The following KLRG1 variants were observed in gnomAD, a reference collection of about 807,000 sequenced individuals.
KLRG1 encodes the protein killer cell lectin like receptor G1.
In KLRG1, 16 loss-of-function variants were observed where a neutral mutation model predicts 21.8. That is an observed-to-expected ratio of 0.73 (90% CI 0.50 to 1.11). The LOEUF (loss-of-function observed/expected upper bound fraction) is 1.11. KLRG1 is among the 50% of genes most tolerant of loss of function. The pLI is 0.00. For synonymous variants in KLRG1, 69 were observed against 75.9 expected, an observed-to-expected ratio of 0.91 and a Z score of 0.47; for missense variants, 173 against 218.3, an observed-to-expected ratio of 0.79 and a Z score of 1.31.
the KLRG1 span, among the ~76,000 whole-genome samples, chr12:9,103,586 C>T: frequency 1.3e-5 from 2 of 152,162 alleles, no homozygotes; most frequent in Non-Finnish European, 2.9e-5. Flanking sequence ...TTCCCTAGCC[C>T]TTGGCAACCA....
At chr12:9,127,786 G>C in the KLRG1 span, 1 of 192,550 alleles carries the variant, frequency 5.2e-6, no homozygotes, top group Non-Finnish European at 1.1e-5. Context: ...ACGACCACTT[G>C]GTTCCTACCT....
intron 1 of KLRG1, among the ~76,000 whole-genome samples, chr12:8,952,568 ATATT>A (rs1946222911): frequency 6.6e-6 from 1 of 152,214 alleles, no homozygotes; most frequent in South Asian, 2.1e-4. Context: ...CAATTTTAAT[ATATT>A]TATCATTTAT....
the KLRG1 span, among the ~76,000 whole-genome samples, chr12:9,104,607 C>T: frequency 4.1e-4 from 62 of 152,060 alleles, no homozygotes; most frequent in African/African-American, 1.5e-3. Context: ...ATATACATAA[C>T]ATACACTAAT....
chr12:9,072,195 T>C, the KLRG1 span, among the ~76,000 whole-genome samples: 1 of 152,246 alleles, frequency 6.6e-6, no homozygotes, highest in Non-Finnish European at 1.5e-5. Context: ...GGATGGACAA[T>C]GTAAACCCCA....
the KLRG1 span, chr12:9,098,529 C>T: frequency 6.8e-7 from 1 of 1,475,742 alleles, no homozygotes; most frequent in Middle Eastern, 2.4e-4. Context: ...TGATCTTATC[C>T]TACTTATCCA....
In KLRG1 at chr12:9,009,020, C is replaced by T. The variant is rs768984841; in HGVS notation, c.403C>T (p.Leu135=). ...CAGTGAGGCCTTTTGCTGGATTGGT[C>T]TGAGGAACAATTCTGGCTGGAGGTG... ...FLSEAFCWIG[L]RNNSGWRWED... The change falls in exon 4 of 5, where the codon CTG becomes TTG. Residue 135 remains leucine (L), a synonymous_variant. Coordinates refer to ENST00000356986, the MANE Select transcript of KLRG1 (RefSeq NM_005810.4). 14 of 1,613,830 alleles carry T rather than the reference C, an allele frequency of 8.7e-6. No individual in the cohort carries two copies. In the East Asian group the frequency reaches 3.1e-4, roughly 36 times the overall value.
the KLRG1 span, among the ~76,000 whole-genome samples, chr12:9,133,209 G>A: frequency 6.6e-6 from 1 of 152,142 alleles, no homozygotes; most frequent in African/African-American, 2.4e-5. Flanking sequence ...GTAGGGAGCT[G>A]GGCACAGAGT....
rs1022005093 is a variant in KLRG1 at position 8,974,782 on chromosome 12, G to C, written c.-155-17424G>C. 3.3e-5 allele frequency among the ~76,000 whole-genome samples: 5 copies of C among 152,196 alleles called. No individual in the cohort carries two copies. In the South Asian group the frequency reaches 1.0e-3, roughly 32 times the overall value. On this transcript the variant is annotated intron_variant, in intron 1 of 4. Coordinates refer to the KLRG1 transcript ENST00000539240. ...TTATTTGGTTTACGGGTATTTTATT[G>C]AGGATTTTACATCTGTTTTTATCAG...
rs773721663 is a variant in KLRG1, at chr12:8,971,626, G to T, written c.-155-20580G>T. Among the ~76,000 whole-genome samples the T allele has an allele frequency of 1.4e-4, 21 of 151,456 alleles. No homozygotes were observed. In the East Asian group the frequency reaches 3.9e-3, roughly 28 times the overall value. The stretch of plus-strand genomic sequence containing the variant: ...CTGCCTCAGCCTCCCAAGTAGCTGG[G>T]ATTACAGGCGTGTGCTACCACACCT... On this transcript the variant is annotated intron_variant, in intron 1 of 4. Transcript: ENST00000539240.
chr12:9,101,790 T>C, the KLRG1 span: 19 of 836,320 alleles, frequency 2.3e-5, no homozygotes, highest in Non-Finnish European at 3.3e-5. Flanking sequence ...AATCTTTTGT[T>C]CCACAATGAA....
chr12:9,207,183 A>C, the KLRG1 span, among the ~76,000 whole-genome samples: 1 of 152,112 alleles, frequency 6.6e-6, no homozygotes, highest in Non-Finnish European at 1.5e-5. Context: ...GAGCAGAGGG[A>C]CCCCTTATCC....
At chr12:9,157,680 C>T in the KLRG1 span, 11 of 1,218,432 alleles carry the variant, frequency 9.0e-6, no homozygotes, top group Non-Finnish European at 1.3e-5. Flanking sequence ...CCAAAAGATA[C>T]TTGAGACTCA....
At chr12:9,018,811 C>A in the KLRG1 span, among the ~76,000 whole-genome samples, 1 of 151,858 alleles carries the variant, frequency 6.6e-6, no homozygotes, top group Non-Finnish European at 1.5e-5. Context: ...TAAAAGACTT[C>A]AAATTATGAA....
chr12:9,010,077 T>C lies in KLRG1; in HGVS notation c.*540T>C. The C allele has an allele frequency of 1.4e-6, 2 of 1,468,828 alleles. No individual in the cohort carries two copies. Among genetic ancestry groups the C allele is most frequent in the Non-Finnish European group, 1.8e-6 (2 of 1,088,082 alleles). 91.0% of individuals were successfully genotyped at this position (1,468,828 alleles called of 1,614,324 possible). A position where few individuals can be genotyped will look rare whatever the true frequency, so the allele number is the denominator to read the frequency against. On this transcript the variant is annotated 3_prime_UTR_variant, in exon 5 of 5. Coordinates refer to ENST00000356986, the MANE Select transcript of KLRG1 (RefSeq NM_005810.4). ...GGTGTGTACCTGTAGTCCTAGCTATTTGGGAAGCTGAGGTGGGAGGGTCGC... is the reference window on the plus strand; with the variant it reads ...GGTGTGTACCTGTAGTCCTAGCTATCTGGGAAGCTGAGGTGGGAGGGTCGC...
At chr12:9,001,321 A>G (rs1414231485) in intron 3 of KLRG1, among the ~76,000 whole-genome samples, 2 of 152,184 alleles carry the variant, frequency 1.3e-5, no homozygotes, top group African/African-American at 4.8e-5. Flanking sequence ...TATTAATGAT[A>G]TTATTTTAAA....
At chr12:9,025,257 A>C in the KLRG1 span, among the ~76,000 whole-genome samples, 2 of 152,228 alleles carry the variant, frequency 1.3e-5, no homozygotes, top group African/African-American at 4.8e-5. Context: ...TGTCGGGTCA[A>C]TAGATCTTAA....
At chr12:9,112,402 T>C in the KLRG1 span, 2 of 1,614,022 alleles carry the variant, frequency 1.2e-6, no homozygotes, top group South Asian at 1.1e-5. Flanking sequence ...TGTAGATTGA[T>C]TTGTCTGTCT....
At chr12:9,120,852 C>CGT in the KLRG1 span, among the ~76,000 whole-genome samples, 188 of 143,472 alleles carry the variant, frequency 1.3e-3, no homozygotes, top group East Asian at 4.6e-3. Context: ...ATCCCACTAA[C>CGT]GTGTGTGTGT....
the KLRG1 span, chr12:9,163,986 G>A: frequency 8.2e-7 from 1 of 1,221,734 alleles, no homozygotes; most frequent in African/African-American, 1.5e-5. Context: ...AACAGTGGGA[G>A]GAGGTCATAG....
Sources: allele counts gnomAD v4.1 joint callset (sites outside exome capture counted in the v4.1 genomes callset), GRCh38; gene constraint gnomAD v4.1.1; transcripts MANE v1.5; gene names NCBI Gene and HGNC (gene_info 2026-07-23, HGNC 2026-07-21).